The following NMT1 variants were observed in gnomAD, a reference collection of about 807,000 sequenced individuals.
NMT1 encodes the protein N-myristoyltransferase 1.
A neutral mutation model predicts 63.4 loss-of-function variants in NMT1; 12 were observed. That is an observed-to-expected ratio of 0.19 (90% CI 0.12 to 0.31). The LOEUF is 0.31. Ranked by LOEUF, NMT1 falls within the 10% of genes least tolerant of loss-of-function variation. The probability of loss-of-function intolerance (pLI) is 1.00; values close to 1 mark genes in which losing one functional copy is unlikely to be tolerated. For synonymous variants in NMT1, 228 were observed against 234.3 expected (o/e 0.97, Z 0.25); for missense variants, 432 against 634.6 (o/e 0.68, Z 3.43).
intron 3 of NMT1, among the ~76,000 whole-genome samples, chr17:45,092,023 C>A (rs1052459118): frequency 6.6e-6 from 1 of 152,062 alleles, no homozygotes; most frequent in African/African-American, 2.4e-5. Flanking sequence ...CCCATCTCGC[C>A]AGTCATGAGT....
intron 7 of NMT1, among the ~76,000 whole-genome samples, chr17:45,099,109 C>T (rs1321079524): frequency 6.6e-6 from 1 of 152,158 alleles, no homozygotes; most frequent in East Asian, 1.9e-4. Context: ...TGACTACAGT[C>T]CTTTTCCGTT....
chr17:45,096,542 CTT>C (rs1185927933), intron 5 of NMT1, among the ~76,000 whole-genome samples: 1 of 149,836 alleles, frequency 6.7e-6, no homozygotes, highest in African/African-American at 2.5e-5. Flanking sequence ...TGTCTGGTGA[CTT>C]TATATAAGAA....
At chr17:45,091,477 T>C (rs1383899951) in intron 3 of NMT1, among the ~76,000 whole-genome samples, 1 of 152,154 alleles carries the variant, frequency 6.6e-6, no homozygotes, top group Non-Finnish European at 1.5e-5. Context: ...AGATTTAGCC[T>C]TGAGGTTATT....
chr17:45,088,955 T>G (rs573647041), intron 3 of NMT1, among the ~76,000 whole-genome samples: 1 of 152,300 alleles, frequency 6.6e-6, no homozygotes, highest in Admixed American at 6.5e-5. Context: ...AAGGTCTGGT[T>G]TTATTTCTTC....
intron 1 of NMT1, among the ~76,000 whole-genome samples, chr17:45,063,764 C>T (rs1163015824): frequency 6.6e-6 from 1 of 151,556 alleles, no homozygotes; most frequent in Non-Finnish European, 1.5e-5. Flanking sequence ...GGCATGGTGG[C>T]GTACGCCTAT....
At chr17:45,079,104 CTT>C in intron 1 of NMT1, among the ~76,000 whole-genome samples, 1 of 142,504 alleles carries the variant, frequency 7.0e-6, no homozygotes, top group African/African-American at 2.5e-5. Flanking sequence ...TTTTCTTTTT[CTT>C]TTTTTTTTTT....
intron 4 of NMT1, 87 bp from the exon 5 acceptor site, chr17:45,096,107 C>A: frequency 1.0e-6 from 1 of 1,004,772 alleles, no homozygotes; most frequent in Non-Finnish European, 1.6e-6. Flanking sequence ...TTGCTTCATC[C>A]TTCTGAAAAG....
chr17:45,103,975 G>A lies in NMT1; in HGVS notation c.1332+99G>A. The A allele has an allele frequency of 6.2e-7, 1 of 1,600,104 alleles. No homozygotes were observed. Among genetic ancestry groups the A allele is most frequent in the Non-Finnish European group, 8.5e-7 (1 of 1,179,592 alleles). ...GGGACGCAGCCTCCCATGGGCTGGA[G>A]GCTCTGAGCCCTCCTCATCTGTTCT... On this transcript the variant is annotated intron_variant, in intron 10 of 11. Coordinates refer to ENST00000258960, the MANE Select transcript of NMT1 (RefSeq NM_021079.5). This position sits in a 1 kb window ranked among gnomAD's most constrained non-coding sequence, Gnocchi z 4.8.
At chr17:45,097,352 G>C in intron 6 of NMT1, 108 bp downstream of exon 6, 9 of 865,262 alleles carry the variant, frequency 1.0e-5, no homozygotes, top group African/African-American at 1.6e-5. Flanking sequence ...AAGAGGGAAG[G>C]TCTCAGGAAG....
In NMT1 at chr17:45,098,375, C is replaced by T; in HGVS notation, c.714-7C>T. The stretch of plus-strand genomic sequence containing the variant: ...AACCTTGTCACCTGGATTTTTCCCC[C>T]TCTTAGAGAGAAGAAGATGGTAGAG... On this transcript the variant is annotated splice_region_variant and splice_polypyrimidine_tract_variant and intron_variant, in intron 6 of 11. Transcript: ENST00000258960. 1 of 1,613,000 alleles carries T rather than the reference C, an allele frequency of 6.2e-7. No homozygotes were observed. Among genetic ancestry groups the T allele is most frequent in the Non-Finnish European group, 8.5e-7 (1 of 1,179,294 alleles).
chr17:45,079,547 T>C (rs78531363), intron 1 of NMT1, among the ~76,000 whole-genome samples: 6,827 of 152,226 alleles, frequency 0.045, 498 homozygotes, highest in African/African-American at 0.15. Context: ...CCTGTCTCTA[T>C]TTTTTAATTT....
chr17:45,090,960 G>A (rs1224424557), intron 3 of NMT1, among the ~76,000 whole-genome samples: 1 of 152,072 alleles, frequency 6.6e-6, no homozygotes, highest in African/African-American at 2.4e-5. Context: ...CAGAGGCCAT[G>A]ATGCTGGCAC....
At chr17:45,088,131 A>T (rs2143494264) in intron 3 of NMT1, among the ~76,000 whole-genome samples, 1 of 152,310 alleles carries the variant, frequency 6.6e-6, no homozygotes, top group East Asian at 1.9e-4. Flanking sequence ...CAGGTGGACA[A>T]GAGGGGTGCT....
chr17:45,068,006 C>T (rs1005084963), intron 1 of NMT1, among the ~76,000 whole-genome samples: 1 of 152,162 alleles, frequency 6.6e-6, no homozygotes, highest in East Asian at 1.9e-4. Context: ...ATGAGCCATA[C>T]ATTTAGTAAC....
intron 8 of NMT1, among the ~76,000 whole-genome samples, chr17:45,100,099 T>G (rs775981231): frequency 1.2e-4 from 18 of 152,116 alleles, no homozygotes; most frequent in Non-Finnish European, 1.8e-4. Context: ...TTCTTTTTTT[T>G]TTGTTTTGAG....
At chr17:45,070,536 G>C (rs1045881327) in intron 1 of NMT1, among the ~76,000 whole-genome samples, 6 of 152,180 alleles carry the variant, frequency 3.9e-5, no homozygotes, top group Non-Finnish European at 7.4e-5. Context: ...TCCTGCCTCA[G>C]CCTCCTGGGT....
chr17:45,072,556 CACCTG>C, intron 1 of NMT1, among the ~76,000 whole-genome samples: 1 of 149,970 alleles, frequency 6.7e-6, no homozygotes, highest in East Asian at 2.0e-4. Context: ...TGAGCCACCG[CACCTG>C]GCCTATTTTT....
intron 1 of NMT1, 47 bp downstream of exon 1, chr17:45,061,507 TGGGTCTCTGGGGTGCG>T: frequency 6.4e-7 from 1 of 1,570,812 alleles, no homozygotes; most frequent in Non-Finnish European, 8.7e-7. Context: ...TCCCACAACC[TGGGTCTCTGGGGTGCG>T]GGGAAGTCAC....
intron 1 of NMT1, among the ~76,000 whole-genome samples, chr17:45,074,864 G>T (rs993639193): frequency 6.6e-6 from 1 of 152,190 alleles, no homozygotes; most frequent in Non-Finnish European, 1.5e-5. Context: ...TCAGTGTGCC[G>T]AATCGCAGCA....
Sources: allele counts gnomAD v4.1 joint callset (sites outside exome capture counted in the v4.1 genomes callset), GRCh38; gene constraint gnomAD v4.1.1; non-coding constraint Gnocchi (gnomAD v3.1); transcripts MANE v1.5; gene names NCBI Gene and HGNC (gene_info 2026-07-23, HGNC 2026-07-21).